YME1L1: variants seen among roughly 807,000 people sequenced by gnomAD.
YME1L1 encodes YME1 like 1 ATPase.
In YME1L1, 39 loss-of-function variants were observed where a neutral mutation model predicts 90.4. The observed-to-expected ratio is 0.43, with a 90% confidence interval of 0.33 to 0.56. The LOEUF is 0.56. Among genes scored for constraint, YME1L1 ranks in the 20% least tolerant of loss-of-function variants. YME1L1 has a pLI of 0.03. For missense variants in YME1L1, 617 were observed against 868.4 expected, an observed-to-expected ratio of 0.71 and a Z score of 3.64; for synonymous variants, 284 against 287.3, an observed-to-expected ratio of 0.99 and a Z score of 0.12.
intron 3 of YME1L1, among the ~76,000 whole-genome samples, chr10:27,143,814 TAA>T: frequency 6.6e-6 from 1 of 152,162 alleles, no homozygotes; most frequent in South Asian, 2.1e-4. Context: ...TCTAATGGTA[TAA>T]TAAAACACTG....
chr10:27,140,752 C>T (rs1201865236), intron 4 of YME1L1, among the ~76,000 whole-genome samples: 1 of 152,206 alleles, frequency 6.6e-6, no homozygotes, highest in Admixed American at 6.6e-5. Context: ...GCTGGGATTA[C>T]AGGCATAAGC....
intron 2 of YME1L1, chr10:27,147,417 GA>G (rs771647490): frequency 6.2e-7 from 1 of 1,609,758 alleles, no homozygotes; most frequent in South Asian, 1.1e-5. Flanking sequence ...AAGATGGCAA[GA>G]ACCTGAACTA....
At position 27,113,113 on chromosome 10, in the gene YME1L1, A is replaced by G. The variant is rs545310888; in HGVS notation, c.2008-993T>C. Among the ~76,000 whole-genome samples, 8 of 151,446 alleles carry G rather than the reference A, an allele frequency of 5.3e-5. No homozygotes were observed. In the East Asian group the frequency reaches 1.6e-3, roughly 30 times the overall value. Reference sequence around the variant, plus strand: ...CATGCGCTTATAGTCCCAGCTACTCAGGAGGCTGAGGTGGGAGGATCACTT... The same window carrying G: ...CATGCGCTTATAGTCCCAGCTACTCGGGAGGCTGAGGTGGGAGGATCACTT... On this transcript the variant is annotated intron_variant, in intron 18 of 18. Transcript: ENST00000376016.
At chr10:27,120,393 T>G in intron 13 of YME1L1, 42 bp downstream of exon 13, 1 of 1,446,402 alleles carries the variant, frequency 6.9e-7, no homozygotes, top group Non-Finnish European at 9.7e-7. Flanking sequence ...AGTGGTATAT[T>G]ACCACTTTAC....
chr10:27,119,692 C>G (rs1193126619), intron 13 of YME1L1, among the ~76,000 whole-genome samples: 2 of 152,008 alleles, frequency 1.3e-5, no homozygotes, highest in African/African-American at 4.8e-5. Context: ...ACCTGTAATC[C>G]CAGCTATTCA....
chr10:27,144,444 A>G (rs1246997876), intron 3 of YME1L1, among the ~76,000 whole-genome samples: 1 of 152,236 alleles, frequency 6.6e-6, no homozygotes, highest in African/African-American at 2.4e-5. Flanking sequence ...CCTTCATTAT[A>G]AACTAGTCAA....
In YME1L1 at chr10:27,134,102, G is replaced by A. The variant is rs1259740828; in HGVS notation, c.712C>T (p.Leu238=). 6.2e-6 allele frequency: 10 copies of A among 1,613,220 alleles called. No homozygotes were observed. Among genetic ancestry groups the A allele is most frequent in the Middle Eastern group, 1.7e-4 (1 of 5,736 alleles). The change falls in exon 7 of 19, where the codon CTG becomes TTG. Residue 238 remains leucine (L), a synonymous_variant. Coordinates refer to ENST00000376016, the MANE Select transcript of YME1L1 (RefSeq NM_014263.4). ...KTNDSLRRTR[L]ILFVLLLFGI... is the part of the protein sequence containing the mutation. ...AATAGCAGCAGAACGAAGAGAATCA[G>A]ACGGGTTCGCCTTAGGGAATCTAGG...
At chr10:27,147,602 C>G in intron 2 of YME1L1, 2 of 1,568,926 alleles carry the variant, frequency 1.3e-6, no homozygotes, top group African/African-American at 1.4e-5. Flanking sequence ...GATCTGTACC[C>G]TTCGAATATT....
At chr10:27,117,499 C>CA in intron 15 of YME1L1, 77 bp downstream of exon 15, 3 of 1,453,110 alleles carry the variant, frequency 2.1e-6, no homozygotes, top group Non-Finnish European at 2.8e-6. Flanking sequence ...ATCCGGAAGG[C>CA]AGAGGTTGCA....
intron 9 of YME1L1, among the ~76,000 whole-genome samples, chr10:27,123,965 A>G (rs1254572246): frequency 1.3e-5 from 2 of 152,084 alleles, no homozygotes; most frequent in Non-Finnish European, 2.9e-5. Context: ...GCAAAAAAAT[A>G]TAAACCCATT....
At chr10:27,145,651 G>A (rs547910824) in intron 2 of YME1L1, 61 bp from the exon 3 acceptor site, 1 of 1,342,600 alleles carries the variant, frequency 7.4e-7, no homozygotes, top group African/African-American at 1.5e-5. Flanking sequence ...AACCTAAGGA[G>A]TACATATTAT....
chr10:27,142,623 G>T (rs2057100843), intron 3 of YME1L1, 138 bp from the exon 4 acceptor site: 1 of 424,084 alleles, frequency 2.4e-6, no homozygotes, highest in Non-Finnish European at 4.2e-6. Context: ...TGATATGACT[G>T]CTTTTATGAA....
intron 5 of YME1L1, among the ~76,000 whole-genome samples, chr10:27,135,639 C>T (rs1416591358): frequency 1.3e-5 from 2 of 151,934 alleles, no homozygotes; most frequent in Non-Finnish European, 2.9e-5. Context: ...GACTTCAATG[C>T]CAAGAGAGGA....
At chr10:27,142,361 C>G in intron 4 of YME1L1, 26 bp downstream of exon 4, 1 of 1,302,774 alleles carries the variant, frequency 7.7e-7, no homozygotes, top group South Asian at 1.8e-5. Flanking sequence ...TTTTTTTTTC[C>G]ACAATTTATG....
chr10:27,137,671 T>C (rs1249849721), intron 4 of YME1L1, among the ~76,000 whole-genome samples: 1 of 152,214 alleles, frequency 6.6e-6, no homozygotes, highest in East Asian at 1.9e-4. Context: ...CTTGTTTTAC[T>C]TTGCATTTCC....
At position 27,111,595 on chromosome 10, in the gene YME1L1, T is replaced by C; in HGVS notation, c.*382A>G. On this transcript the variant is annotated 3_prime_UTR_variant, in exon 19 of 19. Transcript: ENST00000376016. ...TTTTATTCATGGTCAATCTGGAACA[T>C]AATTACTGCATCTTAAGTTTCCACT... 7.4e-6 allele frequency: 2 copies of C among 271,464 alleles called. No homozygotes were observed. The highest frequency in any genetic ancestry group is 3.8e-5 in the South Asian group (1 of 26,522). The allele number at this position is 271,464 out of a possible 1,614,324, so 16.8% of individuals were successfully genotyped here.
rs979185212 is a variant in YME1L1, at chr10:27,111,566, A to G, written c.*411T>C. 4.3e-6 allele frequency: 1 copy of G among 231,392 alleles called. No individual in the cohort carries two copies. Among genetic ancestry groups the G allele is most frequent in the African/African-American group, 2.3e-5 (1 of 42,886 alleles). 14.3% of individuals were successfully genotyped at this position (231,392 alleles called of 1,614,324 possible). On this transcript the variant is annotated 3_prime_UTR_variant, in exon 19 of 19. Coordinates refer to ENST00000376016, the MANE Select transcript of YME1L1 (RefSeq NM_014263.4). The stretch of plus-strand genomic sequence containing the variant: ...CAACTTCTCTACATTTAGATTAAAA[A>G]ATATTTTATTCATGGTCAATCTGGA...
At chr10:27,141,600 CG>C (rs1768687425) in intron 4 of YME1L1, among the ~76,000 whole-genome samples, 1 of 109,664 alleles carries the variant, frequency 9.1e-6, no homozygotes, top group African/African-American at 3.6e-5. Flanking sequence ...AGATGTCCCT[CG>C]ACACACACAC....
intron 8 of YME1L1, among the ~76,000 whole-genome samples, chr10:27,130,820 G>A (rs758728484): frequency 3.9e-5 from 6 of 152,296 alleles, no homozygotes; most frequent in Non-Finnish European, 7.4e-5. Flanking sequence ...GCCATTGCAC[G>A]CCAGCTTGGG....
Sources: gnomAD v4.1 joint callset for allele counts (sites outside exome capture counted in the v4.1 genomes callset) on GRCh38, gnomAD v4.1.1 for gene constraint, MANE v1.5 for transcripts, NCBI Gene and HGNC (gene_info 2026-07-23, HGNC 2026-07-21) for gene names.